LTN1: variants seen among roughly 807,000 people sequenced by gnomAD.
The protein encoded by LTN1 is listerin E3 ubiquitin protein ligase 1.
A neutral mutation model predicts 201.2 loss-of-function variants in LTN1; 88 were observed. The observed-to-expected ratio is 0.44, with a 90% confidence interval of 0.37 to 0.52. The LOEUF is 0.52. LTN1 is among the 20% of genes least tolerant of loss of function. LTN1 has a pLI of 0.00. For missense variants in LTN1, 1,752 were observed against 2,038.7 expected (o/e 0.86, Z 2.71); for synonymous variants, 645 against 713.5 (o/e 0.90, Z 1.53).
chr21:28,952,131 C>A, intron 18 of LTN1, 29 bp downstream of exon 18: 1 of 1,396,694 alleles, frequency 7.2e-7, no homozygotes, highest in Non-Finnish European at 1.0e-6. Flanking sequence ...CAGTAAACTA[C>A]AAAGTAAAAA....
At chr21:28,933,675 CTCTT>C (rs997491943) in intron 27 of LTN1, among the ~76,000 whole-genome samples, 16 of 145,292 alleles carry the variant, frequency 1.1e-4, no homozygotes, top group Middle Eastern at 3.6e-3. Context: ...CTCTCTCTCT[CTCTT>C]TTTTTTTTTT....
intron 11 of LTN1, 132 bp downstream of exon 11, chr21:28,965,733 A>G: frequency 1.8e-6 from 1 of 570,012 alleles, no homozygotes. Context: ...GAAGAAAGTT[A>G]CAATAATGAG....
At chr21:28,970,090 T>C (rs2084561172) in intron 8 of LTN1, among the ~76,000 whole-genome samples, 1 of 152,246 alleles carries the variant, frequency 6.6e-6, no homozygotes, top group Non-Finnish European at 1.5e-5. Flanking sequence ...AATAAAATGA[T>C]GTATCTTCTA....
Position 28,931,049 on chromosome 21 carries a change from A to G in LTN1, c.5238+106T>C, listed in dbSNP as rs2084206162. ...AGTTTAACACACATTTTCTCTTCCG[A>G]AGTTAGACATTGTGTAGGTGTGTGT... On this transcript the variant is annotated intron_variant, in intron 29 of 29. Transcript: ENST00000361371. The G allele has an allele frequency of 2.7e-5, 18 of 676,294 alleles. 1 individual carries two copies. Among genetic ancestry groups the G allele is most frequent in the Non-Finnish European group, 4.3e-5 (18 of 421,142 alleles). The allele number at this position is 676,294 out of a possible 1,614,324, so 41.9% of individuals were successfully genotyped here.
At chr21:28,935,583 G>T (rs1041294642) in intron 26 of LTN1, among the ~76,000 whole-genome samples, 1 of 152,128 alleles carries the variant, frequency 6.6e-6, no homozygotes, top group Non-Finnish European at 1.5e-5. Flanking sequence ...GCTCACGCCT[G>T]TAATCCCAGC....
At chr21:28,947,906 T>C (rs1208437054) in intron 18 of LTN1, among the ~76,000 whole-genome samples, 1 of 127,096 alleles carries the variant, frequency 7.9e-6, no homozygotes, top group Non-Finnish European at 1.8e-5. Context: ...AAAAAAAGAG[T>C]CAATTGCGGG....
chr21:28,931,337 A>T lies in LTN1; in HGVS notation c.5071-15T>A. 1 of 1,541,590 alleles carries T rather than the reference A, an allele frequency of 6.5e-7. No individual in the cohort carries two copies. Among genetic ancestry groups the T allele is most frequent in the Non-Finnish European group, 8.8e-7 (1 of 1,133,834 alleles). ...ATACTTCCATTCTGTTAACAAGAAG[A>T]AAAATAAGTCACTACACACTGATAA... On this transcript the variant is annotated splice_polypyrimidine_tract_variant and intron_variant, in intron 28 of 29. Coordinates refer to ENST00000361371, the MANE Select transcript of LTN1 (RefSeq NM_015565.3).
intron 16 of LTN1, 24 bp from the exon 17 acceptor site, chr21:28,953,400 T>C: frequency 6.4e-7 from 1 of 1,552,048 alleles, no homozygotes; most frequent in Non-Finnish European, 8.7e-7. Context: ...CAGCACCAAA[T>C]TATGAAAAGC....
At chr21:28,985,807 T>TGC (rs2084693937) in intron 3 of LTN1, among the ~76,000 whole-genome samples, 2 of 151,986 alleles carry the variant, frequency 1.3e-5, no homozygotes, top group Non-Finnish European at 2.9e-5. Context: ...ATTACAGGCA[T>TGC]CCATCACCAC....
At chr21:28,977,691 C>G (rs987286360) in intron 6 of LTN1, among the ~76,000 whole-genome samples, 1 of 151,422 alleles carries the variant, frequency 6.6e-6, no homozygotes, top group Non-Finnish European at 1.5e-5. Context: ...CCACTATACT[C>G]CAGTCCAAGT....
intron 9 of LTN1, chr21:28,967,863 A>G (rs1417887707): frequency 6.6e-6 from 1 of 152,176 alleles, no homozygotes; most frequent in Non-Finnish European, 1.5e-5. Flanking sequence ...CCAGGTAGAT[A>G]GTCAGAATTG....
At chr21:28,931,870 G>A (rs1280043917) in intron 28 of LTN1, among the ~76,000 whole-genome samples, 1 of 152,066 alleles carries the variant, frequency 6.6e-6, no homozygotes, top group Non-Finnish European at 1.5e-5. Context: ...CAGGTGTGGT[G>A]GCGGGTGCCT....
chr21:28,944,360 C>T (rs1381173740), intron 22 of LTN1, 23 bp downstream of exon 22: 1 of 1,563,276 alleles, frequency 6.4e-7, no homozygotes, highest in African/African-American at 1.4e-5. Context: ...ATCAATCTCA[C>T]TATTATTCCC....
chr21:28,970,691 T>C lies in LTN1; in HGVS notation c.1036A>G (p.Thr346Ala). The C allele has an allele frequency of 6.2e-7, 1 of 1,614,036 alleles. No homozygotes were observed. The highest frequency in any genetic ancestry group is 8.5e-7 in the Non-Finnish European group (1 of 1,179,964). The stretch of plus-strand genomic sequence containing the variant: ...CCCCGACCACCTTCACGAATCACAG[T>C]TGATAGCTTGGGAAACACACTCTTT... ...AKKSVFPKLSTVIREGGRGLA... is the reference protein window; with the variant it reads ...AKKSVFPKLSAVIREGGRGLA... Residue 346 changes from threonine (T) to alanine (A), a missense_variant, in exon 8 of 30, where the codon ACT (threonine) becomes GCT (alanine). Thr to Ala is a moderately conservative substitution (Grantham distance 58). Around this residue, in one of 3 missense-constraint regions of LTN1, gnomAD observed 1,211 missense variants for 1,312.8 expected, o/e 0.92. Coordinates refer to ENST00000361371, the MANE Select transcript of LTN1 (RefSeq NM_015565.3).
Position 28,966,599 on chromosome 21 carries a change from T to A in LTN1, c.1892A>T (p.Lys631Ile). 1 of 1,614,108 alleles carries A rather than the reference T, an allele frequency of 6.2e-7. No homozygotes were observed. Among genetic ancestry groups the A allele is most frequent in the Non-Finnish European group, 8.5e-7 (1 of 1,180,016 alleles). The change falls in exon 10 of 30, where the codon AAA becomes ATA. Residue 631 changes from lysine (K) to isoleucine (I), a missense_variant. Physicochemically the swap from Lys to Ile is moderately radical, Grantham distance 102 (BLOSUM62 -3). This residue lies in a region of LTN1 where 1,211 missense variants were observed against 1,312.8 expected (regional missense o/e 0.92). Coordinates refer to ENST00000361371, the MANE Select transcript of LTN1 (RefSeq NM_015565.3). ...CTGTTTTTCATCACCAAGTAGCATTTTAAATACTCGGCTTGAAGAAAAGGA... is the reference window on the plus strand; with the variant it reads ...CTGTTTTTCATCACCAAGTAGCATTATAAATACTCGGCTTGAAGAAAAGGA... ...LDSFSSSRVF[K>I]MLLGDEKQSI...
chr21:28,957,198 G>A lies in LTN1; in HGVS notation c.2892+134C>T, dbSNP rs751575690. On this transcript the variant is annotated intron_variant, in intron 15 of 29. Coordinates refer to ENST00000361371, the MANE Select transcript of LTN1 (RefSeq NM_015565.3). Reference sequence around the variant, plus strand: ...TGCAAAAAGCAAACATCCAGTATATGAGCATACAAAGACATCAAAGCAAAG... The same window carrying A: ...TGCAAAAAGCAAACATCCAGTATATAAGCATACAAAGACATCAAAGCAAAG... 7.8e-5 allele frequency: 68 copies of A among 872,584 alleles called. 1 individual carries two copies. The highest frequency in any genetic ancestry group is 1.1e-4 in the Non-Finnish European group (66 of 587,626). 54.1% of individuals were successfully genotyped at this position (872,584 alleles called of 1,614,324 possible). A position where few individuals can be genotyped will look rare whatever the true frequency, so the allele number is the denominator to read the frequency against.
intron 11 of LTN1, chr21:28,964,666 C>T (rs1264626199): frequency 8.4e-6 from 13 of 1,550,358 alleles, no homozygotes; most frequent in East Asian, 2.4e-5. Flanking sequence ...GTCATGGAAG[C>T]GCAGGCAGCA....
chr21:28,980,490 A>G (rs2084650053), intron 6 of LTN1, among the ~76,000 whole-genome samples: 2 of 151,246 alleles, frequency 1.3e-5, no homozygotes, highest in Non-Finnish European at 2.9e-5. Context: ...ACATGTATAC[A>G]TATGTAACTA....
intron 25 of LTN1, 78 bp downstream of exon 25, chr21:28,941,142 A>C (rs552154124): frequency 1.9e-4 from 184 of 961,292 alleles, no homozygotes; most frequent in Non-Finnish European, 2.8e-4. Context: ...CTTTTATTAA[A>C]CTGAAAGGAA....
Sources: gnomAD v4.1 joint callset for allele counts (sites outside exome capture counted in the v4.1 genomes callset) on GRCh38, gnomAD v4.1.1 for gene constraint, gnomAD v4.1.1 regional missense constraint, MANE v1.5 for transcripts, NCBI Gene and HGNC (gene_info 2026-07-23, HGNC 2026-07-21) for gene names.